Variants in LCE2D observed in about 807,000 individuals in gnomAD.
LCE2D encodes late cornified envelope protein 2D.
For missense variants in LCE2D, 161 were observed against 142.9 expected (o/e 1.13, Z -0.65); for synonymous variants, 55 against 51.3 (o/e 1.07, Z -0.31).
In LCE2D at chr1:152,664,519, A is replaced by T. The variant is rs550567339; in HGVS notation, c.*81A>T. On this transcript the variant is annotated 3_prime_UTR_variant, in exon 2 of 2. Coordinates refer to ENST00000368784, the MANE Select transcript of LCE2D (RefSeq NM_178430.4). ...TGCTTAACTATTTCCCCTTCCTTTC[A>T]TTCCACTCATGGGTGGACAGGGACC... 6.6e-7 allele frequency: 1 copy of T among 1,521,338 alleles called. No individual in the cohort carries two copies. Among genetic ancestry groups the T allele is most frequent in the East Asian group, 2.3e-5 (1 of 44,096 alleles). 94.2% of individuals were successfully genotyped at this position (1,521,338 alleles called of 1,614,324 possible). A position where few individuals can be genotyped will look rare whatever the true frequency, so the allele number is the denominator to read the frequency against.
chr1:152,664,104 G>C lies in LCE2D; in HGVS notation c.-2G>C. ...TTTTAGGTTGACTAAACTCCTGCCA[G>C]GATGTCTTGCCAGCAAAACCAGCAG... On this transcript the variant is annotated 5_prime_UTR_variant, in exon 2 of 2. Transcript: ENST00000368784. 1.2e-6 allele frequency: 2 copies of C among 1,613,976 alleles called. No homozygotes were observed. Among genetic ancestry groups the C allele is most frequent in the Non-Finnish European group, 1.7e-6 (2 of 1,179,940 alleles).
intron 1 of LCE2D, among the ~76,000 whole-genome samples, 189 bp from the exon 2 acceptor site, chr1:152,663,896 C>T (rs1648470331): frequency 6.6e-6 from 1 of 152,150 alleles, no homozygotes; most frequent in African/African-American, 2.4e-5. Flanking sequence ...GAATATGAAG[C>T]TCATTCTGTT....
In LCE2D at chr1:152,664,488, G is replaced by C; in HGVS notation, c.*50G>C. The stretch of plus-strand genomic sequence containing the variant: ...ACTGAATGGTCAAAAACCTGCTACA[G>C]CCTGATGCTTAACTATTTCCCCTTC... On this transcript the variant is annotated 3_prime_UTR_variant, in exon 2 of 2. Transcript: ENST00000368784. 6.5e-7 allele frequency: 1 copy of C among 1,549,152 alleles called. No individual in the cohort carries two copies. The highest frequency in any genetic ancestry group is 8.7e-7 in the Non-Finnish European group (1 of 1,151,266).
chr1:152,663,737 C>G (rs1284889591), intron 1 of LCE2D, among the ~76,000 whole-genome samples: 1 of 152,150 alleles, frequency 6.6e-6, no homozygotes, highest in Non-Finnish European at 1.5e-5. Flanking sequence ...GTTTTCATGG[C>G]TAAACATTTT....
Position 152,664,082 on chromosome 1 carries a change from T to A in LCE2D, c.-21-3T>A. ...TTTAAAGAGTTTCATTATTATCTTT[T>A]AGGTTGACTAAACTCCTGCCAGGAT... On this transcript the variant is annotated splice_polypyrimidine_tract_variant and splice_region_variant and intron_variant, in intron 1 of 1. Coordinates refer to ENST00000368784, the MANE Select transcript of LCE2D (RefSeq NM_178430.4). 1.2e-6 allele frequency: 2 copies of A among 1,612,568 alleles called. No individual in the cohort carries two copies. Among genetic ancestry groups the A allele is most frequent in the Non-Finnish European group, 1.7e-6 (2 of 1,179,250 alleles).
chr1:152,664,554 C>T lies in LCE2D; in HGVS notation c.*116C>T. 1 of 1,446,210 alleles carries T rather than the reference C, an allele frequency of 6.9e-7. No individual in the cohort carries two copies. Among genetic ancestry groups the T allele is most frequent in the East Asian group, 2.3e-5 (1 of 42,626 alleles). The allele number at this position is 1,446,210 out of a possible 1,614,324, so 89.6% of individuals were successfully genotyped here. ...TGGGTGGACAGGGACCACAAAGACT[C>T]ATGGGGCTTCCCCAGAACTTTGTGC... On this transcript the variant is annotated 3_prime_UTR_variant, in exon 2 of 2. Transcript: ENST00000368784.
Position 152,664,200 on chromosome 1 carries a change from G to T in LCE2D, c.95G>T (p.Cys32Phe). The change falls in exon 2 of 2, where the codon TGC (cysteine) becomes TTC (phenylalanine). Residue 32 changes from cysteine (C) to phenylalanine (F), a missense_variant. Coordinates refer to ENST00000368784, the MANE Select transcript of LCE2D (RefSeq NM_178430.4). ...TGTCCACCTAAGTGTCCCCCCAAAT[G>T]CCCACCACAGTGCCCAGCTCCATGT... ...PKCPPKCPPKCPPQCPAPCSP... is the reference protein window; with the variant it reads ...PKCPPKCPPKFPPQCPAPCSP... The T allele has an allele frequency of 1.2e-6, 2 of 1,614,042 alleles. No homozygotes were observed. The highest frequency in any genetic ancestry group is 1.7e-6 in the Non-Finnish European group (2 of 1,180,004).
chr1:152,664,034 A>T lies in LCE2D; in HGVS notation c.-21-51A>T. The T allele has an allele frequency of 7.0e-6, 11 of 1,574,622 alleles. 1 individual carries two copies. In the South Asian group the frequency reaches 1.2e-4, roughly 17 times the overall value. ...ATGCATTGATTTTAGAGGAGGCATA[A>T]TTATGACCTTTGGTTTGAAATATTT... On this transcript the variant is annotated intron_variant, in intron 1 of 1. Coordinates refer to ENST00000368784, the MANE Select transcript of LCE2D (RefSeq NM_178430.4).
At chr1:152,663,713 C>A (rs1342351681) in intron 1 of LCE2D, among the ~76,000 whole-genome samples, 10 of 152,172 alleles carry the variant, frequency 6.6e-5, no homozygotes, top group Admixed American at 5.2e-4. Flanking sequence ...TCAGGCCAGG[C>A]CCTTTTACCT....
chr1:152,664,250 G>C lies in LCE2D; in HGVS notation c.145G>C (p.Gly49Arg). 6.2e-7 allele frequency: 1 copy of C among 1,614,032 alleles called. No individual in the cohort carries two copies. Among genetic ancestry groups the C allele is most frequent in the Non-Finnish European group, 8.5e-7 (1 of 1,179,980 alleles). Residue 49 changes from glycine to arginine, a missense_variant, in exon 2 of 2, where the codon GGT becomes CGT. Coordinates refer to ENST00000368784, the MANE Select transcript of LCE2D (RefSeq NM_178430.4). ...TTCCCCTGCAGTCTCTTCCTGCTGTGGTCCCAGCTCTGGGAGCTGCTGTGG... is the reference window on the plus strand; with the variant it reads ...TTCCCCTGCAGTCTCTTCCTGCTGTCGTCCCAGCTCTGGGAGCTGCTGTGG... ...PCSPAVSSCC[G>R]PSSGSCCGPS...
chr1:152,664,369 C>A lies in LCE2D; in HGVS notation c.264C>A (p.Ser88Arg). The A allele has an allele frequency of 6.2e-7, 1 of 1,608,502 alleles. No homozygotes were observed. Among genetic ancestry groups the A allele is most frequent in the African/African-American group, 1.3e-5 (1 of 74,962 alleles). The stretch of plus-strand genomic sequence containing the variant: ...TCTTCCACCGGCGCCGGCACCAGAG[C>A]CCCGATTGCTGTGAGAGTGAACCTT... The part of the protein sequence containing the change: ...PRLFHRRRHQ[S>R]PDCCESEPSG... The change falls in exon 2 of 2, where the codon AGC becomes AGA. Residue 88 changes from serine to arginine, a missense_variant. Physicochemically the swap from Ser to Arg is moderately radical, Grantham distance 110. Coordinates refer to ENST00000368784, the MANE Select transcript of LCE2D (RefSeq NM_178430.4).
Position 152,664,567 on chromosome 1 carries a change from C to CAGA in LCE2D, c.*131_*133dup, listed in dbSNP as rs10654836. 18,194 of 1,394,934 alleles carry CAGA rather than the reference C, an allele frequency of 0.013. 1,342 individuals carry two copies. The African/African-American group carries it at 0.19, about 14-fold the overall frequency. 86.4% of individuals were successfully genotyped at this position (1,394,934 alleles called of 1,614,324 possible). On this transcript the variant is annotated 3_prime_UTR_variant, in exon 2 of 2. Coordinates refer to ENST00000368784, the MANE Select transcript of LCE2D (RefSeq NM_178430.4). ...ACCACAAAGACTCATGGGGCTTCCC[C>CAGA]AGAACTTTGTGCTTGATGGAGCACC...
intron 1 of LCE2D, 88 bp from the exon 2 acceptor site, chr1:152,663,994 ATTC>A (rs1325342773): frequency 5.0e-6 from 7 of 1,403,860 alleles, no homozygotes; most frequent in Non-Finnish European, 6.8e-6. Context: ...CCTAAATATC[ATTC>A]TTCTTCTACA....
Position 152,664,447 on chromosome 1 carries a change from G to A in LCE2D, c.*9G>A, listed in dbSNP as rs972463353. The A allele has an allele frequency of 1.2e-6, 2 of 1,607,194 alleles. No individual in the cohort carries two copies. Among genetic ancestry groups the A allele is most frequent in the East Asian group, 2.2e-5 (1 of 44,824 alleles). On this transcript the variant is annotated 3_prime_UTR_variant, in exon 2 of 2. Transcript: ENST00000368784. ...CTGGGGGCTGCTGCTGACCTGGGCT[G>A]CAGAAGAGCTCTGGTACTGAATGGT...
Position 152,664,222 on chromosome 1 carries a change from A to T in LCE2D, c.117A>T (p.Pro39=). The T allele has an allele frequency of 1.9e-6, 3 of 1,614,090 alleles. No homozygotes were observed. Among genetic ancestry groups the T allele is most frequent in the Non-Finnish European group, 2.5e-6 (3 of 1,180,006 alleles). ...PPKCPPQCPA[P]CSPAVSSCCG... is the part of the protein sequence containing the mutation. Reference sequence around the variant, plus strand: ...AATGCCCACCACAGTGCCCAGCTCCATGTTCCCCTGCAGTCTCTTCCTGCT... The same window carrying T: ...AATGCCCACCACAGTGCCCAGCTCCTTGTTCCCCTGCAGTCTCTTCCTGCT... Residue 39 remains proline (P), a synonymous_variant, in exon 2 of 2, where the codon CCA becomes CCT. Transcript: ENST00000368784.
chr1:152,663,598 C>A (rs956584264), intron 1 of LCE2D, among the ~76,000 whole-genome samples, 169 bp downstream of exon 1: 1 of 152,158 alleles, frequency 6.6e-6, no homozygotes, highest in African/African-American at 2.4e-5. Context: ...CTGGAGCTCA[C>A]GTAGAAGGGA....
Position 152,664,453 on chromosome 1 carries a change from G to C in LCE2D, c.*15G>C. 1 of 1,605,542 alleles carries C rather than the reference G, an allele frequency of 6.2e-7. No individual in the cohort carries two copies. Among genetic ancestry groups the C allele is most frequent in the South Asian group, 1.1e-5 (1 of 89,566 alleles). On this transcript the variant is annotated 3_prime_UTR_variant, in exon 2 of 2. Coordinates refer to ENST00000368784, the MANE Select transcript of LCE2D (RefSeq NM_178430.4). Reference sequence around the variant, plus strand: ...GCTGCTGCTGACCTGGGCTGCAGAAGAGCTCTGGTACTGAATGGTCAAAAA... The same window carrying C: ...GCTGCTGCTGACCTGGGCTGCAGAACAGCTCTGGTACTGAATGGTCAAAAA...
chr1:152,664,542 AC>A lies in LCE2D; in HGVS notation c.*106del. The A allele has an allele frequency of 6.7e-7, 1 of 1,487,018 alleles. No homozygotes were observed. Among genetic ancestry groups the A allele is most frequent in the African/African-American group, 1.4e-5 (1 of 70,710 alleles). The allele number at this position is 1,487,018 out of a possible 1,614,324, so 92.1% of individuals were successfully genotyped here. On this transcript the variant is annotated 3_prime_UTR_variant, in exon 2 of 2. Coordinates refer to ENST00000368784, the MANE Select transcript of LCE2D (RefSeq NM_178430.4). ...TCATTCCACTCATGGGTGGACAGGGACCACAAAGACTCATGGGGCTTCCCCA... is the reference window on the plus strand; with the variant it reads ...TCATTCCACTCATGGGTGGACAGGGACACAAAGACTCATGGGGCTTCCCCA...
In LCE2D at chr1:152,664,243, C is replaced by T. The variant is rs540548461; in HGVS notation, c.138C>T (p.Ser46=). 1.2e-5 allele frequency: 20 copies of T among 1,614,114 alleles called. No homozygotes were observed. The highest frequency in any genetic ancestry group is 2.2e-5 in the East Asian group (1 of 44,872). Residue 46 remains serine (S), a synonymous_variant, in exon 2 of 2, where the codon TCC becomes TCT. Transcript: ENST00000368784. The part of the protein sequence containing the change: ...CPAPCSPAVS[S]CCGPSSGSCC... Reference sequence around the variant, plus strand: ...CTCCATGTTCCCCTGCAGTCTCTTCCTGCTGTGGTCCCAGCTCTGGGAGCT... The same window carrying T: ...CTCCATGTTCCCCTGCAGTCTCTTCTTGCTGTGGTCCCAGCTCTGGGAGCT...
Sources: gnomAD v4.1 joint callset for allele counts (sites outside exome capture counted in the v4.1 genomes callset) on GRCh38, gnomAD v4.1.1 for gene constraint, MANE v1.5 for transcripts, NCBI Gene and HGNC (gene_info 2026-07-23, HGNC 2026-07-21) for gene names.